FGA: variants seen among roughly 807,000 people sequenced by gnomAD.
The protein encoded by FGA is fibrinogen alpha chain, also known as fibrinogen, A alpha polypeptide.
In FGA, 20 loss-of-function variants were observed where a neutral mutation model predicts 20.3. The ratio of observed to expected loss-of-function variants is 0.99; its 90% CI spans 0.69 to 1.43. The LOEUF is 1.43. FGA is among the 40% of genes most tolerant of loss of function. FGA has a pLI of 0.00. For missense variants in FGA, 777 were observed against 784.7 expected (o/e 0.99, Z 0.12); for synonymous variants, 306 against 281.6 (o/e 1.09, Z -0.87).
downstream of FGA, chr4:154,584,598 T>A: frequency 6.2e-7 from 1 of 1,614,202 alleles, no homozygotes; most frequent in East Asian, 2.2e-5. Flanking sequence ...AGTCATTGCC[T>A]AGCCAGAATT....
chr4:154,590,656 A>G lies in FGA; in HGVS notation c.32T>C (p.Leu11Pro). 1.3e-6 allele frequency: 2 copies of G among 1,558,768 alleles called. No homozygotes were observed. Among genetic ancestry groups the G allele is most frequent in the East Asian group, 2.4e-5 (1 of 41,856 alleles). Residue 11 changes from leucine (L) to proline (P), a missense_variant, in exon 1 of 5, where the codon CTA (leucine) becomes CCA (proline). Coordinates refer to ENST00000403106, the MANE Select transcript of FGA (RefSeq NM_021871.4). Reference sequence around the variant, plus strand: ...TACCCATGCTGTGCCCACCACACTTAGGACCAGGCAGACGATCCTCATGGA... The same window carrying G: ...TACCCATGCTGTGCCCACCACACTTGGGACCAGGCAGACGATCCTCATGGA... The part of the protein sequence containing the change: MFSMRIVCLV[L>P]SVVGTAWTAD...
At chr4:154,584,538 C>T (rs1289107077), downstream of FGA, 3 of 1,614,172 alleles carry the variant, frequency 1.9e-6, no homozygotes, top group African/African-American at 2.7e-5. Context: ...CAGCCCAGTC[C>T]TCTAATTCAA....
chr4:154,585,991 T>A lies in FGA; in HGVS notation c.1438A>T (p.Lys480Ter), dbSNP rs121909611. The change falls in exon 5 of 5, where the codon AAA (lysine) becomes TAA (stop). Residue 480 changes from lysine (K) to a stop codon, truncating the protein, a stop_gained. Transcript: ENST00000403106. LOFTEE classifies it low-confidence loss of function (END_TRUNC). ...IGPDGHKEVT[K>*]EVVTSEDGSD... ...CCATCTTCGGAGGTCACCACTTCTT[T>A]GGTAACTTCTTTGTGACCATCAGGA... 1 of 1,614,028 alleles carries A rather than the reference T, an allele frequency of 6.2e-7. No individual in the cohort carries two copies. Among genetic ancestry groups the A allele is most frequent in the Non-Finnish European group, 8.5e-7 (1 of 1,179,978 alleles).
chr4:154,588,356 A>C (rs922484462), intron 3 of FGA, among the ~76,000 whole-genome samples: 5 of 152,138 alleles, frequency 3.3e-5, no homozygotes, highest in African/African-American at 4.8e-5. Context: ...TTGACCCTAT[A>C]TTTTAAATTT....
In FGA at chr4:154,585,679, T is replaced by A; in HGVS notation, c.1750A>T (p.Thr584Ser). The A allele has an allele frequency of 5.0e-6, 8 of 1,614,178 alleles. 1 individual carries two copies. The East Asian group carries it at 1.8e-4, about 36-fold the overall frequency. Residue 584 changes from threonine (T) to serine (S), a missense_variant, in exon 5 of 5, where the codon ACT (threonine) becomes TCT (serine). Coordinates refer to ENST00000403106, the MANE Select transcript of FGA (RefSeq NM_021871.4). The stretch of plus-strand genomic sequence containing the variant: ...CCTCTGTTGTAACTCGTGCTACTAG[T>A]AAATTGTTTGCTGTAACTTGAAGAT... ...GKSSSYSKQF[T>S]SSTSYNRGDS...
downstream of FGA, chr4:154,584,681 A>G (rs753047358): frequency 6.2e-7 from 1 of 1,614,016 alleles, no homozygotes; most frequent in Non-Finnish European, 8.5e-7. Flanking sequence ...AAATTCAGTG[A>G]TCCATCCATT....
In FGA at chr4:154,588,821, A is replaced by G. The variant is rs1016999383; in HGVS notation, c.336T>C (p.Ile112=). ...SHSLTTNIME[I]LRGDFSSANN... is the part of the protein sequence containing the mutation. ...TGGCTGAGGAAAAATCGCCTCTCAA[A>G]ATTTCCATTATATTAGTGGTCAACG... The change falls in exon 3 of 5, where the codon ATT becomes ATC. Residue 112 remains isoleucine (I), a synonymous_variant. Transcript: ENST00000403106. 29 of 1,611,904 alleles carry G rather than the reference A, an allele frequency of 1.8e-5. No individual in the cohort carries two copies. Among genetic ancestry groups the G allele is most frequent in the African/African-American group, 2.7e-5 (2 of 74,860 alleles).
rs1380019103 is a variant in FGA, at chr4:154,586,573, G to C, written c.856C>G (p.Pro286Ala). The change falls in exon 5 of 5, where the codon CCC becomes GCC. Residue 286 changes from proline to alanine, a missense_variant. By Grantham distance (27) the Pro-to-Ala change is conservative. Transcript: ENST00000403106. The stretch of plus-strand genomic sequence containing the variant: ...CTTCCAGCACTGCTAGGGTTCCTGG[G>C]GCTTTCCGTCTCTGATCCGGTTCCA... ...SYGTGSETESPRNPSSAGSWN... is the reference protein window; with the variant it reads ...SYGTGSETESARNPSSAGSWN... The C allele has an allele frequency of 4.3e-6, 7 of 1,614,086 alleles. No individual in the cohort carries two copies. Among genetic ancestry groups the C allele is most frequent in the Non-Finnish European group, 5.9e-6 (7 of 1,179,988 alleles).
In FGA at chr4:154,590,679, G is replaced by A. The variant is rs1393260940; in HGVS notation, c.9C>T (p.Ser3=). 1 of 1,556,802 alleles carries A rather than the reference G, an allele frequency of 6.4e-7. No homozygotes were observed. Among genetic ancestry groups the A allele is most frequent in the Non-Finnish European group, 8.7e-7 (1 of 1,149,428 alleles). The stretch of plus-strand genomic sequence containing the variant: ...TTAGGACCAGGCAGACGATCCTCAT[G>A]GAAAACATCTTTTCTAAGGGTGGGG... MF[S]MRIVCLVLSV... Residue 3 remains serine, a synonymous_variant, in exon 1 of 5, where the codon TCC becomes TCT. Transcript: ENST00000403106.
Position 154,586,583 on chromosome 4 carries a change from CT to C in FGA, c.845del (p.Glu282GlyfsTer139). The part of the protein sequence containing the change: ...GGSTSYGTGS[E>X]TESPRNPSSA... ...TGCTAGGGTTCCTGGGGCTTTCCGTCTCTGATCCGGTTCCATAAGAGGTGGA... is the reference window on the plus strand; with the variant it reads ...TGCTAGGGTTCCTGGGGCTTTCCGTCCTGATCCGGTTCCATAAGAGGTGGA... On this transcript the variant is annotated frameshift_variant, in exon 5 of 5. Coordinates refer to ENST00000403106, the MANE Select transcript of FGA (RefSeq NM_021871.4). LOFTEE classifies it low-confidence loss of function (END_TRUNC). 6.2e-7 allele frequency: 1 copy of C among 1,614,120 alleles called. No individual in the cohort carries two copies. The highest frequency in any genetic ancestry group is 1.1e-5 in the South Asian group (1 of 91,076).
downstream of FGA, chr4:154,583,576 G>A (rs912460591): frequency 1.3e-5 from 2 of 152,606 alleles, no homozygotes; most frequent in African/African-American, 4.8e-5. Flanking sequence ...AGGAAAGAAT[G>A]TTTCTCTTGC....
intron 1 of FGA, 98 bp downstream of exon 1, chr4:154,590,536 G>T: frequency 9.7e-7 from 1 of 1,034,686 alleles, no homozygotes; most frequent in Non-Finnish European, 1.5e-6. Flanking sequence ...AAAGCTAAGA[G>T]TGTGTCAGGA....
In FGA at chr4:154,585,688, T is replaced by C; in HGVS notation, c.1741A>G (p.Lys581Glu). 6.2e-7 allele frequency: 1 copy of C among 1,614,204 alleles called. No homozygotes were observed. The highest frequency in any genetic ancestry group is 8.5e-7 in the Non-Finnish European group (1 of 1,180,028). ...PSRGKSSSYS[K>E]QFTSSTSYNR... The stretch of plus-strand genomic sequence containing the variant: ...TAACTCGTGCTACTAGTAAATTGTT[T>C]GCTGTAACTTGAAGATTTACCACGG... The change falls in exon 5 of 5, where the codon AAA becomes GAA. Residue 581 changes from lysine (K) to glutamate (E), a missense_variant. Lys to Glu is a moderately conservative substitution (Grantham distance 56). Coordinates refer to ENST00000403106, the MANE Select transcript of FGA (RefSeq NM_021871.4).
Position 154,586,194 on chromosome 4 carries a change from G to C in FGA, c.1235C>G (p.Thr412Arg), listed in dbSNP as rs1033085077. The C allele has an allele frequency of 1.9e-6, 3 of 1,614,110 alleles. No homozygotes were observed. Among genetic ancestry groups the C allele is most frequent in the Non-Finnish European group, 2.5e-6 (3 of 1,180,016 alleles). ...NARPNNPDWG[T>R]FEEVSGNVSP... is the part of the protein sequence containing the mutation. ...TACATTTCCTGACACCTCTTCAAAT[G>C]TGCCCCAGTCTGGGTTGTTAGGCCT... Residue 412 changes from threonine (T) to arginine (R), a missense_variant, in exon 5 of 5, where the codon ACA (threonine) becomes AGA (arginine). Physicochemically the swap from Thr to Arg is moderately conservative, Grantham distance 71 (BLOSUM62 -1). Transcript: ENST00000403106.
downstream of FGA, chr4:154,584,229 G>A (rs1380229162): frequency 1.9e-6 from 3 of 1,609,522 alleles, no homozygotes; most frequent in Non-Finnish European, 2.5e-6. Flanking sequence ...CATAAGGACT[G>A]TTATTCCTTG....
intron 4 of FGA, 149 bp downstream of exon 4, chr4:154,587,363 G>A (rs1730751821): frequency 1.3e-6 from 1 of 779,274 alleles, no homozygotes; most frequent in Non-Finnish European, 2.2e-6. Flanking sequence ...TTCTTCAACT[G>A]TGGAGTGAGG....
chr4:154,589,477 C>T lies in FGA; in HGVS notation c.140G>A (p.Cys47Tyr). 2 of 1,614,120 alleles carry T rather than the reference C, an allele frequency of 1.2e-6. No individual in the cohort carries two copies. The highest frequency in any genetic ancestry group is 1.7e-6 in the Non-Finnish European group (2 of 1,180,028). ...GCAGAAGGGCCAGTCTGAATCTTTGCAGGCAGATTGATGTCTTTCCACAAC... is the reference window on the plus strand; with the variant it reads ...GCAGAAGGGCCAGTCTGAATCTTTGTAGGCAGATTGATGTCTTTCCACAAC... ...PRVVERHQSA[C>Y]KDSDWPFCSD... is the part of the protein sequence containing the mutation. Residue 47 changes from cysteine to tyrosine, a missense_variant, in exon 2 of 5, where the codon TGC becomes TAC. By Grantham distance (194) the Cys-to-Tyr change is radical (BLOSUM62 -2). Coordinates refer to ENST00000403106, the MANE Select transcript of FGA (RefSeq NM_021871.4).
chr4:154,589,661 C>G, intron 1 of FGA, 99 bp from the exon 2 acceptor site: 1 of 1,327,888 alleles, frequency 7.5e-7, no homozygotes, highest in East Asian at 2.3e-5. Context: ...AGAGATGGCA[C>G]TCTCACAGAG....
downstream of FGA, chr4:154,584,766 CG>C: frequency 1.2e-6 from 2 of 1,613,920 alleles, no homozygotes; most frequent in Non-Finnish European, 1.7e-6. Context: ...TACTGGATCC[CG>C]GTAGCTTGAT....
Sources: gnomAD v4.1 joint callset for allele counts (sites outside exome capture counted in the v4.1 genomes callset) on GRCh38, gnomAD v4.1.1 for gene constraint, MANE v1.5 for transcripts, NCBI Gene and HGNC (gene_info 2026-07-23, HGNC 2026-07-21) for gene names.